SRCIN1: variants seen among roughly 807,000 people sequenced by gnomAD.
The protein encoded by SRCIN1 is SRC kinase signaling inhibitor 1.
In SRCIN1, 50 loss-of-function variants were observed where a neutral mutation model predicts 116.2. That is an observed-to-expected ratio of 0.43 (90% CI 0.34 to 0.54). SRCIN1 has a LOEUF of 0.54. SRCIN1 is among the 20% of genes least tolerant of loss of function. SRCIN1 has a pLI of 0.02. For synonymous variants in SRCIN1, 736 were observed against 750.0 expected, an observed-to-expected ratio of 0.98 and a Z score of 0.30; for missense variants, 1,446 against 1,672.0, an observed-to-expected ratio of 0.86 and a Z score of 2.36.
In SRCIN1 at chr17:38,555,396, C is replaced by T. The variant is rs1021042944; in HGVS notation, c.2202-2541G>A. ...GATCTTGGAAAACACATGTTGAAGA[C>T]GGCAGAACCTCCATCAGCCTGGGTC... On this transcript the variant is annotated intron_variant, in intron 11 of 18. Coordinates refer to ENST00000617146, the MANE Select transcript of SRCIN1 (RefSeq NM_025248.3). Among the ~76,000 whole-genome samples the T allele has an allele frequency of 4.6e-5, 7 of 152,144 alleles. No individual in the cohort carries two copies. The East Asian group carries it at 9.6e-4, about 21-fold the overall frequency.
intron 1 of SRCIN1, among the ~76,000 whole-genome samples, chr17:38,597,021 C>T (rs1382965063): frequency 6.6e-6 from 1 of 152,140 alleles, no homozygotes; most frequent in Non-Finnish European, 1.5e-5. Context: ...TGGCCAGCAC[C>T]CACTCAGGCA....
rs927861319 is a variant in SRCIN1, at chr17:38,566,947, TTCTC to T, written c.345+1260_345+1263del. Reference sequence around the variant, plus strand: ...TTTCTTTCCTTCTTTCTCTCTCTCTTTCTCTCTTTCTTTCTTCTTTTTTTTCTGA... The same window carrying T: ...TTTCTTTCCTTCTTTCTCTCTCTCTTTCTTTCTTTCTTCTTTTTTTTCTGA... On this transcript the variant is annotated intron_variant, in intron 3 of 18. Coordinates refer to ENST00000617146, the MANE Select transcript of SRCIN1 (RefSeq NM_025248.3). Among the ~76,000 whole-genome samples the T allele has an allele frequency of 4.0e-5, 6 of 150,986 alleles. No individual in the cohort carries two copies. The South Asian group carries it at 8.3e-4, about 21-fold the overall frequency.
rs35608876 is a variant in SRCIN1, at chr17:38,562,758, G to T, written c.834+69C>A. 380 of 1,406,888 alleles carry T rather than the reference G, an allele frequency of 2.7e-4. No individual in the cohort carries two copies. Among genetic ancestry groups the T allele is most frequent in the Non-Finnish European group, 3.6e-4 (360 of 1,010,012 alleles). The allele number at this position is 1,406,888 out of a possible 1,614,324, so 87.2% of individuals were successfully genotyped here. On this transcript the variant is annotated intron_variant, in intron 6 of 18. Coordinates refer to ENST00000617146, the MANE Select transcript of SRCIN1 (RefSeq NM_025248.3). This position sits in a 1 kb window ranked among gnomAD's most constrained non-coding sequence, Gnocchi z 4.2. ...CTGGCCCTGGTTCCAGATGACAACT[G>T]CCCAGACCCTGCTCCCCTGGACCCC...
chr17:38,591,407 C>A (rs949438059), intron 1 of SRCIN1, among the ~76,000 whole-genome samples: 11 of 152,206 alleles, frequency 7.2e-5, no homozygotes, highest in African/African-American at 2.7e-4. Flanking sequence ...CCCAGCCCCC[C>A]AGCCATCTGC....
Position 38,548,539 on chromosome 17 carries a change from A to C in SRCIN1, c.3270+18T>G. On this transcript the variant is annotated intron_variant, in intron 17 of 18. Transcript: ENST00000617146. The stretch of plus-strand genomic sequence containing the variant: ...GGGCCTGGCTGAGACCTTGGGGGCC[A>C]GGTGTGCCCTGACCTACCTCTAGCT... The C allele has an allele frequency of 6.2e-7, 1 of 1,608,020 alleles. No homozygotes were observed. Among genetic ancestry groups the C allele is most frequent in the East Asian group, 2.2e-5 (1 of 44,838 alleles).
At position 38,572,095 on chromosome 17, in the gene SRCIN1, C is replaced by A. The variant is rs566067494; in HGVS notation, c.325-3864G>T. Among the ~76,000 whole-genome samples, 76 of 152,202 alleles carry A rather than the reference C, an allele frequency of 5.0e-4. No homozygotes were observed. The highest frequency in any genetic ancestry group is 9.4e-4 in the Non-Finnish European group (64 of 68,016). On this transcript the variant is annotated intron_variant, in intron 2 of 18. Transcript: ENST00000617146. This position sits in a 1 kb window ranked among gnomAD's most constrained non-coding sequence, Gnocchi z 4.3. ...CAAATGACCCCTCCTTGACCTCAAG[C>A]CCTGACCACGCACCTTCCAAGGAGG...
chr17:38,563,176 A>T lies in SRCIN1; in HGVS notation c.740+147T>A. On this transcript the variant is annotated intron_variant, in intron 5 of 18. Coordinates refer to ENST00000617146, the MANE Select transcript of SRCIN1 (RefSeq NM_025248.3). This position sits in a 1 kb window ranked among gnomAD's most constrained non-coding sequence, Gnocchi z 5.8. Reference sequence around the variant, plus strand: ...GGGTGGGGGCTGAGATGGCCGAGGAAGGGGGCGGGGCGGTAGGGCTCTGGG... The same window carrying T: ...GGGTGGGGGCTGAGATGGCCGAGGATGGGGGCGGGGCGGTAGGGCTCTGGG... 1 of 854,224 alleles carries T rather than the reference A, an allele frequency of 1.2e-6. No individual in the cohort carries two copies. Among genetic ancestry groups the T allele is most frequent in the Non-Finnish European group, 1.8e-6 (1 of 566,518 alleles). The allele number at this position is 854,224 out of a possible 1,614,324, so 52.9% of individuals were successfully genotyped here.
At chr17:38,535,119 G>A (rs1013605815) in intron 18 of SRCIN1, among the ~76,000 whole-genome samples, 5 of 150,990 alleles carry the variant, frequency 3.3e-5, no homozygotes, top group Non-Finnish European at 7.4e-5. Flanking sequence ...GTGACAGAAT[G>A]AGGCCCTGTT....
chr17:38,568,505 C>T lies in SRCIN1; in HGVS notation c.325-274G>A, dbSNP rs570888409. Among the ~76,000 whole-genome samples the T allele has an allele frequency of 2.0e-5, 3 of 152,254 alleles. No homozygotes were observed. Among genetic ancestry groups the T allele is most frequent in the Admixed American group, 6.5e-5 (1 of 15,300 alleles). Reference sequence around the variant, plus strand: ...AAAGGCACAGAGGATGGTGATAGAGCGAACCCATGAGGCAGTCACAAGAGA... The same window carrying T: ...AAAGGCACAGAGGATGGTGATAGAGTGAACCCATGAGGCAGTCACAAGAGA... On this transcript the variant is annotated intron_variant, in intron 2 of 18. Transcript: ENST00000617146. This position sits in a 1 kb window ranked among gnomAD's most constrained non-coding sequence, Gnocchi z 4.5.
At chr17:38,593,826 G>C (rs1337693556) in intron 1 of SRCIN1, among the ~76,000 whole-genome samples, 1 of 152,132 alleles carries the variant, frequency 6.6e-6, no homozygotes, top group Admixed American at 6.6e-5. Flanking sequence ...GCTGACCCCG[G>C]TGTCCACTAC....
At chr17:38,549,314 AC>A (rs1395705836) in intron 15 of SRCIN1, 104 bp from the exon 16 acceptor site, 72 of 1,189,390 alleles carry the variant, frequency 6.1e-5, no homozygotes, top group Admixed American at 4.5e-4. Context: ...TCCAGGGAGG[AC>A]CAGGAGGAGG....
upstream of SRCIN1, among the ~76,000 whole-genome samples, chr17:38,606,147 G>A (rs1909359207): frequency 3.3e-5 from 5 of 151,582 alleles, no homozygotes; most frequent in South Asian, 8.3e-4. The surrounding 1 kb of genome is among the most constrained non-coding windows in gnomAD (Gnocchi z 5.2). Context: ...CGGGCGCGGG[G>A]CGCGCTCACT....
chr17:38,543,681 G>C, intron 18 of SRCIN1, 142 bp downstream of exon 18: 1 of 1,227,174 alleles, frequency 8.1e-7, no homozygotes, highest in South Asian at 1.5e-5. Flanking sequence ...GGGGTGGGTG[G>C]GGCAGTCCTG....
chr17:38,535,180 A>C (rs562037226), intron 18 of SRCIN1, among the ~76,000 whole-genome samples: 1 of 150,190 alleles, frequency 6.7e-6, no homozygotes, highest in South Asian at 2.1e-4. Context: ...TTAAAGCGAA[A>C]ATTCCCCATT....
At position 38,563,247 on chromosome 17, in the gene SRCIN1, G is replaced by A. The variant is rs1353755033; in HGVS notation, c.740+76C>T. The A allele has an allele frequency of 6.6e-7, 1 of 1,506,172 alleles. No individual in the cohort carries two copies. The allele number at this position is 1,506,172 out of a possible 1,614,324, so 93.3% of individuals were successfully genotyped here. The stretch of plus-strand genomic sequence containing the variant: ...GTCGGGTCAGGAAGGAGCTGGGGAA[G>A]GGCCGGCGGGGTCCAGCACCCTGCA... On this transcript the variant is annotated intron_variant, in intron 5 of 18. Transcript: ENST00000617146. This position sits in a 1 kb window ranked among gnomAD's most constrained non-coding sequence, Gnocchi z 5.8.
intron 1 of SRCIN1, among the ~76,000 whole-genome samples, chr17:38,587,739 C>T (rs887591876): frequency 1.3e-5 from 2 of 152,116 alleles, no homozygotes; most frequent in African/African-American, 2.4e-5. Flanking sequence ...GCAGCCCGGC[C>T]GACAGGGAGA....
At chr17:38,594,775 C>T (rs1036015244) in intron 1 of SRCIN1, among the ~76,000 whole-genome samples, 1 of 152,138 alleles carries the variant, frequency 6.6e-6, no homozygotes, top group African/African-American at 2.4e-5. Flanking sequence ...GGTTTGAACC[C>T]AGGGCAGGCT....
At chr17:38,534,971 A>C (rs746970300) in intron 18 of SRCIN1, among the ~76,000 whole-genome samples, 4 of 152,004 alleles carry the variant, frequency 2.6e-5, no homozygotes, top group Non-Finnish European at 5.9e-5. Flanking sequence ...CTAAAAAAAA[A>C]ATTTTTTTTA....
chr17:38,534,389 G>A (rs1597874104), intron 18 of SRCIN1, among the ~76,000 whole-genome samples: 2 of 152,308 alleles, frequency 1.3e-5, no homozygotes, highest in Admixed American at 1.3e-4. Context: ...AGGTGCCTCT[G>A]CTGCACACTT....
Sources: gnomAD v4.1 joint callset for allele counts (sites outside exome capture counted in the v4.1 genomes callset) on GRCh38, gnomAD v4.1.1 for gene constraint, Gnocchi (gnomAD v3.1) non-coding constraint, MANE v1.5 for transcripts, NCBI Gene and HGNC (gene_info 2026-07-23, HGNC 2026-07-21) for gene names.